The following SGCD variants were observed in gnomAD, a reference collection of about 807,000 sequenced individuals.
The protein encoded by SGCD is delta-sarcoglycan.
A neutral mutation model predicts 36.6 loss-of-function variants in SGCD; 18 were observed. The ratio of observed to expected loss-of-function variants is 0.49; its 90% CI spans 0.34 to 0.73. SGCD has a LOEUF of 0.73. SGCD is among the 30% of genes least tolerant of loss of function. The pLI, the probability that SGCD is intolerant of heterozygous loss-of-function variation, is 0.01. For synonymous variants in SGCD, 133 were observed against 130.6 expected (o/e 1.02, Z -0.12); for missense variants, 387 against 346.7 (o/e 1.12, Z -0.92).
At chr5:156,467,179 T>C (rs1198724644) in intron 3 of SGCD, among the ~76,000 whole-genome samples, 1 of 152,204 alleles carries the variant, frequency 6.6e-6, no homozygotes, top group Non-Finnish European at 1.5e-5. Flanking sequence ...CTGGATTTGA[T>C]TCATAGGCCT....
intron 2 of SGCD, 102 bp from the exon 3 acceptor site, chr5:156,344,387 C>A: frequency 1.3e-6 from 1 of 777,562 alleles, no homozygotes; most frequent in Non-Finnish European, 2.0e-6. Context: ...TAGACAGCAG[C>A]CAGCCATATC....
intron 3 of SGCD, among the ~76,000 whole-genome samples, chr5:156,437,003 A>C (rs1230754569): frequency 6.6e-6 from 1 of 152,096 alleles, no homozygotes; most frequent in Non-Finnish European, 1.5e-5. Flanking sequence ...TTTCATTCAA[A>C]TCCTCTGTGT....
Position 156,607,139 on chromosome 5 carries a change from T to C in SGCD, c.502+12088T>C, listed in dbSNP as rs1266015492. ...GTCTTGTGCCAGTTTTCAAAGGGAATGCTTCCAGTTTTTGCCCATTCAGTA... is the reference window on the plus strand; with the variant it reads ...GTCTTGTGCCAGTTTTCAAAGGGAACGCTTCCAGTTTTTGCCCATTCAGTA... On this transcript the variant is annotated intron_variant, in intron 6 of 8. Coordinates refer to ENST00000337851, the MANE Select transcript of SGCD (RefSeq NM_000337.6). Among the ~76,000 whole-genome samples the C allele has an allele frequency of 2.0e-5, 3 of 152,192 alleles. No individual in the cohort carries two copies. The South Asian group carries it at 6.2e-4, about 32-fold the overall frequency.
the SGCD span, among the ~76,000 whole-genome samples, chr5:155,736,442 G>C: frequency 6.6e-6 from 1 of 152,108 alleles, no homozygotes; most frequent in Non-Finnish European, 1.5e-5. Flanking sequence ...CAAGGCAGAG[G>C]TACCTCTCTT....
chr5:156,137,918 T>C (rs1762495685), intron 3 of SGCD, among the ~76,000 whole-genome samples: 1 of 152,156 alleles, frequency 6.6e-6, no homozygotes, highest in Non-Finnish European at 1.5e-5. Flanking sequence ...TACTCAACTT[T>C]CCTGTGATGT....
intron 6 of SGCD, among the ~76,000 whole-genome samples, chr5:156,623,583 G>A (rs1189931680): frequency 1.3e-5 from 2 of 152,160 alleles, no homozygotes; most frequent in African/African-American, 4.8e-5. Flanking sequence ...TTCTGAACAC[G>A]GTGCATTGTT....
At chr5:156,571,350 C>CT (rs1759716757) in intron 4 of SGCD, among the ~76,000 whole-genome samples, 2 of 152,002 alleles carry the variant, frequency 1.3e-5, no homozygotes, top group Admixed American at 6.6e-5. Flanking sequence ...CCTGGCCCTT[C>CT]TTTTCTCCTT....
At chr5:156,271,116 A>G (rs1021577291) in intron 3 of SGCD, among the ~76,000 whole-genome samples, 1 of 152,170 alleles carries the variant, frequency 6.6e-6, no homozygotes. Context: ...GTTTTTCTGC[A>G]ATAGTAAACA....
chr5:156,309,607 T>C (rs907502077), intron 3 of SGCD, among the ~76,000 whole-genome samples: 16 of 150,318 alleles, frequency 1.1e-4, no homozygotes, highest in Admixed American at 7.9e-4. Flanking sequence ...GAGCATTTTT[T>C]TTTTTTTTTT....
rs374622385 is a variant in SGCD at position 156,188,671 on chromosome 5, C to A, written c.-44+64652C>A. 1.1e-3 allele frequency among the ~76,000 whole-genome samples: 145 copies of A among 134,104 alleles called. 2 individuals carry two copies. Among genetic ancestry groups the A allele is most frequent in the African/African-American group, 3.5e-3 (130 of 37,248 alleles). 88.0% of individuals were successfully genotyped at this position (134,104 alleles called of 152,430 possible). The stretch of plus-strand genomic sequence containing the variant: ...TGTCTCTCTGACCACCCCAACCGCC[C>A]CCCCCGACACACATACACACAATCC... On this transcript the variant is annotated intron_variant, in intron 3 of 9. Transcript: ENST00000517913.
At chr5:156,000,968 C>T (rs1301155910) in intron 1 of SGCD, among the ~76,000 whole-genome samples, 1 of 152,130 alleles carries the variant, frequency 6.6e-6, no homozygotes, top group African/African-American at 2.4e-5. Flanking sequence ...CCTAGGAATC[C>T]AGCCATGCTA....
At chr5:156,281,946 G>A (rs79404581) in intron 3 of SGCD, among the ~76,000 whole-genome samples, 2,049 of 151,982 alleles carry the variant, frequency 0.013, 55 homozygotes, top group African/African-American at 0.046. Flanking sequence ...TCTGTTTTCC[G>A]CGTAAACCCA....
At chr5:156,027,922 G>A (rs982386739) in intron 1 of SGCD, among the ~76,000 whole-genome samples, 2 of 152,150 alleles carry the variant, frequency 1.3e-5, no homozygotes, top group African/African-American at 4.8e-5. Flanking sequence ...TATGGCAGAA[G>A]TGCCTTAAAC....
intron 6 of SGCD, among the ~76,000 whole-genome samples, chr5:156,601,750 C>T (rs1159740167): frequency 1.3e-5 from 2 of 152,174 alleles, no homozygotes; most frequent in Admixed American, 6.5e-5. Context: ...GTGGCGCGAT[C>T]TTGGCTCACT....
intron 3 of SGCD, among the ~76,000 whole-genome samples, chr5:156,433,319 A>G (rs1333985906): frequency 6.6e-6 from 1 of 152,186 alleles, no homozygotes; most frequent in Non-Finnish European, 1.5e-5. Context: ...GATTTGGACC[A>G]GGCAGATACC....
At chr5:156,742,861 G>A (rs763339088) in intron 7 of SGCD, among the ~76,000 whole-genome samples, 2 of 152,138 alleles carry the variant, frequency 1.3e-5, no homozygotes, top group Non-Finnish European at 2.9e-5. Context: ...GTTATCAATA[G>A]ATTAGATGAA....
Position 155,909,871 on chromosome 5 carries a change from T to C in SGCD, c.-282+39447T>C, listed in dbSNP as rs572060082. On this transcript the variant is annotated intron_variant, in intron 1 of 9. Coordinates refer to the SGCD transcript ENST00000517913. ...AGGGTTTTTTAAAGAGAATTCAAGA[T>C]AACATCTTGTAATTTACAAACTATT... 3.9e-4 allele frequency among the ~76,000 whole-genome samples: 60 copies of C among 152,248 alleles called. No individual in the cohort carries two copies. The South Asian group carries it at 6.8e-3, about 17-fold the overall frequency.
At chr5:156,047,008 C>A (rs1474327034) in intron 1 of SGCD, among the ~76,000 whole-genome samples, 1 of 152,122 alleles carries the variant, frequency 6.6e-6, no homozygotes, top group Non-Finnish European at 1.5e-5. Flanking sequence ...GAAAGTGAAA[C>A]AGCATCATTG....
chr5:156,677,128 A>G (rs1468240332), intron 7 of SGCD, among the ~76,000 whole-genome samples: 1 of 152,244 alleles, frequency 6.6e-6, no homozygotes, highest in Non-Finnish European at 1.5e-5. Context: ...CTTCAGGGGC[A>G]TGCAGGAAGA....
Sources: allele counts gnomAD v4.1 joint callset (sites outside exome capture counted in the v4.1 genomes callset), GRCh38; gene constraint gnomAD v4.1.1; transcripts MANE v1.5; gene names NCBI Gene and HGNC (gene_info 2026-07-23, HGNC 2026-07-21).